The following SCAF11 variants were observed in gnomAD, a reference collection of about 807,000 sequenced individuals.
SCAF11 encodes protein SCAF11.
Under a neutral mutation model 140.5 loss-of-function variants are expected in SCAF11, and 47 were observed. That is an observed-to-expected ratio of 0.33 (90% CI 0.26 to 0.43). SCAF11 has a LOEUF of 0.43. Ranked by LOEUF, SCAF11 falls within the 20% of genes least tolerant of loss-of-function variation. SCAF11 has a pLI of 1.00. For synonymous variants in SCAF11, 557 were observed against 579.4 expected (o/e 0.96, Z 0.55); for missense variants, 1,645 against 1,705.1 (o/e 0.96, Z 0.62).
intron 1 of SCAF11, among the ~76,000 whole-genome samples, chr12:45,970,264 T>A (rs936646034): frequency 6.6e-6 from 1 of 152,234 alleles, no homozygotes; most frequent in South Asian, 2.1e-4. Context: ...ATTCCAGACC[T>A]CAAGCAATCT....
intron 10 of SCAF11, chr12:45,929,148 AT>A (rs780794291): frequency 0.01 from 1,605 of 155,448 alleles, 1 homozygote; most frequent in Non-Finnish European, 0.016. Context: ...TACTTGCTTA[AT>A]TTTTTTTTTT....
At chr12:45,990,327 C>G (rs2136683579) in intron 1 of SCAF11, 26 bp downstream of exon 1, 1 of 1,231,882 alleles carries the variant, frequency 8.1e-7, no homozygotes, top group Admixed American at 4.2e-5. Context: ...CAAGCCCATC[C>G]ACCCCGCGGG....
At chr12:45,967,034 A>C (rs1945966079) in intron 1 of SCAF11, among the ~76,000 whole-genome samples, 1 of 152,276 alleles carries the variant, frequency 6.6e-6, no homozygotes, top group South Asian at 2.1e-4. Flanking sequence ...TTAATAGTCT[A>C]ACCTATGCTA....
chr12:45,974,373 G>A, intron 1 of SCAF11: 1 of 361,474 alleles, frequency 2.8e-6, no homozygotes, highest in Non-Finnish European at 5.5e-6. Context: ...ATGCCACACT[G>A]ACACTCCTTT....
intron 4 of SCAF11, among the ~76,000 whole-genome samples, chr12:45,949,540 T>G (rs570858642): frequency 6.6e-6 from 1 of 152,142 alleles, no homozygotes; most frequent in Non-Finnish European, 1.5e-5. Context: ...ACTAGTTAGA[T>G]GAAAGAATAG....
At chr12:45,964,357 T>A (rs999864053) in intron 1 of SCAF11, among the ~76,000 whole-genome samples, 169 bp from the exon 2 acceptor site, 1 of 152,168 alleles carries the variant, frequency 6.6e-6, no homozygotes, top group African/African-American at 2.4e-5. Flanking sequence ...GCTATCAAAA[T>A]GCACAGTCTT....
At chr12:45,939,647 G>A (rs543541060) in intron 6 of SCAF11, among the ~76,000 whole-genome samples, 4 of 152,126 alleles carry the variant, frequency 2.6e-5, no homozygotes, top group Non-Finnish European at 4.4e-5. Context: ...GCAGTGAGCC[G>A]AGATCGTGCC....
At chr12:45,960,500 T>C (rs886453108) in intron 3 of SCAF11, 1 of 152,096 alleles carries the variant, frequency 6.6e-6, no homozygotes, top group African/African-American at 2.4e-5. Context: ...AAAAAAAATA[T>C]GCATTATTTC....
chr12:45,959,360 G>A (rs558029300), intron 3 of SCAF11, among the ~76,000 whole-genome samples: 1 of 151,960 alleles, frequency 6.6e-6, no homozygotes, highest in African/African-American at 2.4e-5. Flanking sequence ...ATCCCTTGAC[G>A]TACTTAAAAA....
At chr12:45,931,300 C>CTATG (rs1394698901) in intron 10 of SCAF11, 6 of 313,494 alleles carry the variant, frequency 1.9e-5, no homozygotes, top group African/African-American at 1.3e-4. Flanking sequence ...TATGGAGAGA[C>CTATG]TATGTATCTA....
Position 45,961,766 on chromosome 12 carries a change from C to T in SCAF11, c.153G>A (p.Lys51=). 6.2e-7 allele frequency: 1 copy of T among 1,613,030 alleles called. No homozygotes were observed. Residue 51 remains lysine (K), a synonymous_variant, in exon 3 of 15, where the codon AAG becomes AAA. Transcript: ENST00000369367. ...CPICLNCLLE[K]EVGFPESCNH... is the part of the protein sequence containing the mutation. ...TACAGCTTTCTGGAAAACCAACTTC[C>T]TTTTCTAATAGACAATTAAGACATA... is the stretch of plus-strand genomic sequence containing the variant.
chr12:45,946,167 A>T (rs1475925152), intron 5 of SCAF11, among the ~76,000 whole-genome samples: 1 of 152,222 alleles, frequency 6.6e-6, no homozygotes, highest in Non-Finnish European at 1.5e-5. Flanking sequence ...ACAATGACTT[A>T]AAATGGAGGT....
intron 4 of SCAF11, 102 bp downstream of exon 4, chr12:45,951,548 C>A: frequency 1.4e-6 from 1 of 704,430 alleles, no homozygotes; most frequent in South Asian, 2.3e-5. Context: ...ACATATTAAA[C>A]CTTAAGTTGA....
At chr12:45,929,405 G>C (rs1299439019) in intron 10 of SCAF11, 2 of 152,264 alleles carry the variant, frequency 1.3e-5, no homozygotes, top group Non-Finnish European at 2.9e-5. Flanking sequence ...TGATCTGCCT[G>C]CCTCGGCCTC....
chr12:45,966,094 T>C (rs1945940067), intron 1 of SCAF11, among the ~76,000 whole-genome samples: 1 of 152,238 alleles, frequency 6.6e-6, no homozygotes, highest in African/African-American at 2.4e-5. Context: ...TAACTTGTTT[T>C]AGTTCTGGTA....
intron 2 of SCAF11, 152 bp downstream of exon 2, chr12:45,963,955 G>A (rs1453920378): frequency 7.4e-6 from 4 of 542,234 alleles, no homozygotes; most frequent in Admixed American, 7.6e-5. Flanking sequence ...GATATGGGAA[G>A]AAAAAAATGT....
chr12:45,952,697 T>C (rs1431808624), intron 3 of SCAF11, among the ~76,000 whole-genome samples: 2 of 152,190 alleles, frequency 1.3e-5, no homozygotes, highest in Non-Finnish European at 2.9e-5. Flanking sequence ...TTACATTATT[T>C]AAAGAATTTA....
chr12:45,977,846 A>G (rs2136655782), intron 1 of SCAF11, among the ~76,000 whole-genome samples: 1 of 152,204 alleles, frequency 6.6e-6, no homozygotes, highest in South Asian at 2.1e-4. Flanking sequence ...GATATCTATA[A>G]CCTGTACAGA....
In SCAF11 at chr12:45,982,015, G is replaced by A. The variant is rs573969604; in HGVS notation, c.-22+8338C>T. ...CCAAATAATGCAAACAATAATAAAC[G>A]ATGGTTGGAATGGCTATATTAATAT... On this transcript the variant is annotated intron_variant, in intron 1 of 14. Transcript: ENST00000369367. Among the ~76,000 whole-genome samples, 7 of 152,218 alleles carry A rather than the reference G, an allele frequency of 4.6e-5. No homozygotes were observed. The East Asian group carries it at 1.4e-3, about 29-fold the overall frequency.
Sources: allele counts gnomAD v4.1 joint callset (sites outside exome capture counted in the v4.1 genomes callset), GRCh38; gene constraint gnomAD v4.1.1; transcripts MANE v1.5; gene names NCBI Gene and HGNC (gene_info 2026-07-23, HGNC 2026-07-21).